SLC18B1: variants seen among roughly 807,000 people sequenced by gnomAD.
SLC18B1 encodes solute carrier family 18 member B1.
SLC18B1 carries 62 observed loss-of-function variants against 53.9 expected under a neutral mutation model. The observed-to-expected ratio is 1.15, with a 90% CI of 0.94 to 1.42. SLC18B1 has a LOEUF of 1.42. Ranked by LOEUF, SLC18B1 falls within the 40% of genes most tolerant of loss-of-function variation. SLC18B1 has a pLI of 0.00. For missense variants in SLC18B1, 598 were observed against 547.3 expected, an observed-to-expected ratio of 1.09 and a Z score of -0.93; for synonymous variants, 217 against 200.9, an observed-to-expected ratio of 1.08 and a Z score of -0.68.
At position 132,774,268 on chromosome 6, in the gene SLC18B1, C is replaced by T. The variant is rs909153748; in HGVS notation, c.943G>A (p.Gly315Arg). Residue 315 changes from glycine (G) to arginine (R), a missense_variant, in exon 9 of 14, where the codon GGG becomes AGG. By Grantham distance (125) the Gly-to-Arg change is moderately radical (BLOSUM62 -2). Coordinates refer to ENST00000275227, the MANE Select transcript of SLC18B1 (RefSeq NM_052831.3). ...ACAGGCCCTAAGAGCATGTAGCACC[C>T]GGCTGTGATTAAGTTGCCAAACACC... The part of the protein sequence containing the change: ...LLVFGNLITA[G>R]CYMLLGPVPI... 12 of 1,613,332 alleles carry T rather than the reference C, an allele frequency of 7.4e-6. No homozygotes were observed. Among genetic ancestry groups the T allele is most frequent in the African/African-American group, 4.0e-5 (3 of 74,876 alleles).
rs1338321110 is a variant in SLC18B1 at position 132,790,224 on chromosome 6, A to C, written c.232T>G (p.Cys78Gly). The C allele has an allele frequency of 1.3e-6, 2 of 1,579,038 alleles. No individual in the cohort carries two copies. The highest frequency in any genetic ancestry group is 1.3e-5 in the African/African-American group (1 of 74,224). Residue 78 changes from cysteine to glycine, a missense_variant, in exon 3 of 14, where the codon TGT (cysteine) becomes GGT (glycine). Physicochemically the swap from Cys to Gly is radical, Grantham distance 159 (BLOSUM62 -3). Transcript: ENST00000275227. ...GCCAGCAACTCGAACAAAGCAAAAC[A>C]TCCAAAGATCATACCGATAATTGTA... ...SNTIIGMIFG[C>G]FALFELLASL...
At chr6:132,792,187 T>A (rs142922162) in intron 2 of SLC18B1, among the ~76,000 whole-genome samples, 2,630 of 145,072 alleles carry the variant, frequency 0.018, 30 homozygotes, top group South Asian at 0.038. Flanking sequence ...AAGATTGTGC[T>A]ACTGCACTCC....
chr6:132,790,264 CT>C lies in SLC18B1; in HGVS notation c.191del (p.Lys64ArgfsTer11). On this transcript the variant is annotated frameshift_variant, in exon 3 of 14. Coordinates refer to ENST00000275227, the MANE Select transcript of SLC18B1 (RefSeq NM_052831.3). LOFTEE classifies it high-confidence loss of function. ...LGPFFPKEAE[K>X]KGASNTIIGM... ...CGATAATTGTATTGCTGGCTCCCTT[CT>C]TTTCAGCCTTTAAGTAATAGAAACG... 1 of 1,549,826 alleles carries C rather than the reference CT, an allele frequency of 6.5e-7. No individual in the cohort carries two copies. The highest frequency in any genetic ancestry group is 8.7e-7 in the Non-Finnish European group (1 of 1,146,490).
At chr6:132,774,120 A>G in intron 9 of SLC18B1, 102 bp downstream of exon 9, 1 of 659,714 alleles carries the variant, frequency 1.5e-6, no homozygotes, top group Non-Finnish European at 2.5e-6. Context: ...TTATTTAAAT[A>G]TTAATGTTCA....
chr6:132,790,009 G>A (rs549937501), intron 3 of SLC18B1, among the ~76,000 whole-genome samples, 168 bp downstream of exon 3: 2 of 152,256 alleles, frequency 1.3e-5, no homozygotes, highest in South Asian at 4.1e-4. Context: ...AACATGGAAA[G>A]AGTTAAAAAT....
intron 6 of SLC18B1, among the ~76,000 whole-genome samples, chr6:132,780,866 A>C (rs1781218772): frequency 6.6e-6 from 1 of 151,992 alleles, no homozygotes; most frequent in Non-Finnish European, 1.5e-5. Flanking sequence ...GGTAGGTGTT[A>C]GTTTCTTAAT....
At chr6:132,776,270 G>A in intron 8 of SLC18B1, 58 bp downstream of exon 8, 1 of 1,351,828 alleles carries the variant, frequency 7.4e-7, no homozygotes, top group Non-Finnish European at 1.0e-6. Flanking sequence ...AGGAACAGTT[G>A]GAAAACCACT....
Position 132,770,040 on chromosome 6 carries a change from T to C in SLC18B1, c.*230A>G, listed in dbSNP as rs1465141982. ...TTTTGTTTTGCTTGTTTTTAATTAC[T>C]CCTTTCATACTTAATATTTCAAATA... On this transcript the variant is annotated 3_prime_UTR_variant, in exon 14 of 14. Coordinates refer to ENST00000275227, the MANE Select transcript of SLC18B1 (RefSeq NM_052831.3). 2.9e-6 allele frequency: 1 copy of C among 342,066 alleles called. No individual in the cohort carries two copies. Among genetic ancestry groups the C allele is most frequent in the Non-Finnish European group, 5.3e-6 (1 of 189,070 alleles). 21.2% of individuals were successfully genotyped at this position (342,066 alleles called of 1,614,324 possible).
chr6:132,795,273 G>GACAAGAGA (rs1781646635), intron 2 of SLC18B1, among the ~76,000 whole-genome samples: 1 of 151,884 alleles, frequency 6.6e-6, no homozygotes, highest in African/African-American at 2.4e-5. Context: ...CCAAAGGGCA[G>GACAAGAGA]ACAAGAGAAA....
intron 5 of SLC18B1, among the ~76,000 whole-genome samples, chr6:132,786,595 T>A (rs1157183267): frequency 6.6e-6 from 1 of 151,682 alleles, no homozygotes; most frequent in Non-Finnish European, 1.5e-5. Context: ...GAAGGACTAT[T>A]TACACCACAA....
chr6:132,784,194 A>C, intron 5 of SLC18B1, 105 bp from the exon 6 acceptor site: 1 of 908,062 alleles, frequency 1.1e-6, no homozygotes, highest in African/African-American at 1.7e-5. Context: ...TTACATACAC[A>C]CACTCCCAAG....
At chr6:132,795,889 T>C (rs1353181866) in intron 2 of SLC18B1, among the ~76,000 whole-genome samples, 1 of 152,062 alleles carries the variant, frequency 6.6e-6, no homozygotes, top group African/African-American at 2.4e-5. Context: ...CTAGAGTCCA[T>C]AAGAAATTAA....
intron 10 of SLC18B1, 128 bp from the exon 11 acceptor site, chr6:132,772,334 G>T: frequency 2.0e-6 from 1 of 508,730 alleles, no homozygotes; most frequent in Non-Finnish European, 3.4e-6. Flanking sequence ...AGAATACTCT[G>T]CTTCTAAGAT....
At chr6:132,771,397 A>G (rs1208529306) in intron 11 of SLC18B1, among the ~76,000 whole-genome samples, 1 of 152,232 alleles carries the variant, frequency 6.6e-6, no homozygotes, top group Non-Finnish European at 1.5e-5. Context: ...ACAGATTTAA[A>G]AAATTCTTTA....
intron 5 of SLC18B1, 121 bp downstream of exon 5, chr6:132,787,313 A>G: frequency 4.2e-6 from 4 of 960,272 alleles, no homozygotes; most frequent in Non-Finnish European, 5.8e-6. Flanking sequence ...GTGAAAGGCA[A>G]CAATAATACA....
intron 10 of SLC18B1, 66 bp from the exon 11 acceptor site, chr6:132,772,272 TGA>T (rs1300935570): frequency 3.1e-5 from 30 of 953,150 alleles, no homozygotes; most frequent in Non-Finnish European, 4.6e-5. Context: ...AAAAATTGTA[TGA>T]TAGATCAATT....
chr6:132,795,787 A>G (rs73772952), intron 2 of SLC18B1, among the ~76,000 whole-genome samples: 1 of 152,266 alleles, frequency 6.6e-6, no homozygotes, highest in East Asian at 1.9e-4. Flanking sequence ...AATCTGTGTC[A>G]TTAGCTATAA....
intron 6 of SLC18B1, among the ~76,000 whole-genome samples, chr6:132,779,675 T>C (rs1344523901): frequency 6.6e-6 from 1 of 152,174 alleles, no homozygotes; most frequent in Non-Finnish European, 1.5e-5. Flanking sequence ...AGGTTACAGG[T>C]TGTAACAATT....
intron 2 of SLC18B1, among the ~76,000 whole-genome samples, chr6:132,796,378 T>TAAAAAAAAAAAAAAAAA: frequency 9.7e-6 from 1 of 103,188 alleles, no homozygotes; most frequent in African/African-American, 5.6e-5. Flanking sequence ...AAAAAAAAAT[T>TAAAAAAAAAAAAAAAAA]ACCCGGACGT....
Sources: gnomAD v4.1 joint callset for allele counts (sites outside exome capture counted in the v4.1 genomes callset) on GRCh38, gnomAD v4.1.1 for gene constraint, MANE v1.5 for transcripts, NCBI Gene and HGNC (gene_info 2026-07-23, HGNC 2026-07-21) for gene names.